Variants in CRYBG1 observed in about 807,000 individuals in gnomAD.
The protein encoded by CRYBG1 is crystallin beta-gamma domain containing 1.
CRYBG1 carries 139 observed loss-of-function variants against 189.2 expected under a neutral mutation model. The ratio of observed to expected loss-of-function variants is 0.73; its 90% CI spans 0.64 to 0.85. The LOEUF is 0.85. CRYBG1 is among the 40% of genes least tolerant of loss of function. CRYBG1 has a pLI of 0.00. For synonymous variants in CRYBG1, 1,023 were observed against 1,017.1 expected (o/e 1.01, Z -0.11); for missense variants, 2,611 against 2,675.8 (o/e 0.98, Z 0.53).
At chr6:106,534,605 A>C (rs1582823653) in intron 8 of CRYBG1, among the ~76,000 whole-genome samples, 1 of 152,060 alleles carries the variant, frequency 6.6e-6, no homozygotes, top group East Asian at 1.9e-4. Context: ...GGGCCCATTC[A>C]CTCTAGATTA....
At chr6:106,507,046 A>T (rs984213817) in intron 2 of CRYBG1, among the ~76,000 whole-genome samples, 1 of 152,222 alleles carries the variant, frequency 6.6e-6, no homozygotes, top group South Asian at 2.1e-4. Flanking sequence ...AATAGTAGGA[A>T]TATATAGTAG....
chr6:106,519,846 G>A lies in CRYBG1; in HGVS notation c.2638G>A (p.Ala880Thr), dbSNP rs545314721. 1.2e-5 allele frequency: 20 copies of A among 1,614,042 alleles called. No individual in the cohort carries two copies. The highest frequency in any genetic ancestry group is 5.3e-5 in the African/African-American group (4 of 74,914). ...GCCTTCTCTTTCACTGTCTGCACCC[G>A]CTCCTGGGGATGTTCCCAAAGACAC... ...PGPSLSLSAP[A>T]PGDVPKDTCV... The change falls in exon 4 of 22, where the codon GCT becomes ACT. Residue 880 changes from alanine to threonine, a missense_variant. Coordinates refer to ENST00000633556, the MANE Select transcript of CRYBG1 (RefSeq NM_001371242.2).
chr6:106,421,912 A>T (rs1055672209), intron 1 of CRYBG1, among the ~76,000 whole-genome samples: 3 of 151,864 alleles, frequency 2.0e-5, no homozygotes, highest in African/African-American at 7.3e-5. Flanking sequence ...GTGCAAGGAA[A>T]CTCCCATTTT....
At chr6:106,406,139 T>C (rs1770818185) in intron 1 of CRYBG1, among the ~76,000 whole-genome samples, 1 of 152,046 alleles carries the variant, frequency 6.6e-6, no homozygotes, top group South Asian at 2.1e-4. Flanking sequence ...GAAAAAAGGT[T>C]AGAGGAATTG....
intron 1 of CRYBG1, among the ~76,000 whole-genome samples, chr6:106,424,187 A>G (rs536304920): frequency 4.6e-5 from 7 of 152,284 alleles, no homozygotes; most frequent in African/African-American, 1.4e-4. Flanking sequence ...TCATATCCAA[A>G]CTACGTTTCT....
At chr6:106,431,526 A>G (rs1771326545) in intron 1 of CRYBG1, among the ~76,000 whole-genome samples, 1 of 152,226 alleles carries the variant, frequency 6.6e-6, no homozygotes. Context: ...AGATGAGATT[A>G]TAAACCTAGA....
chr6:106,482,579 T>A (rs565206980), intron 2 of CRYBG1, among the ~76,000 whole-genome samples: 1 of 151,954 alleles, frequency 6.6e-6, no homozygotes, highest in Non-Finnish European at 1.5e-5. Flanking sequence ...ATCGAGACCA[T>A]CCTGGCTAAC....
chr6:106,568,235 C>T (rs1291301113), intron 21 of CRYBG1, among the ~76,000 whole-genome samples: 1 of 152,200 alleles, frequency 6.6e-6, no homozygotes, highest in African/African-American at 2.4e-5. Context: ...GGTGGGATGT[C>T]CTGTGTGAAG....
At chr6:106,546,111 G>A (rs1480519547) in intron 13 of CRYBG1, among the ~76,000 whole-genome samples, 8 of 152,198 alleles carry the variant, frequency 5.3e-5, no homozygotes, top group Non-Finnish European at 8.8e-5. Context: ...CCATGTCTGG[G>A]CTACGTGTCC....
At chr6:106,424,511 G>T (rs1252775780) in intron 1 of CRYBG1, among the ~76,000 whole-genome samples, 4 of 151,992 alleles carry the variant, frequency 2.6e-5, no homozygotes, top group Non-Finnish European at 5.9e-5. Flanking sequence ...ACCCAGGCTG[G>T]AGTGAAATGG....
At chr6:106,508,917 CAAA>C (rs67365041) in intron 2 of CRYBG1, among the ~76,000 whole-genome samples, 87,233 of 143,140 alleles carry the variant, frequency 0.61, 27,229 homozygotes, top group Non-Finnish European at 0.71. Flanking sequence ...ATCTAATAGC[CAAA>C]AAAAAAAAAA....
At chr6:106,557,135 A>C (rs138757927) in intron 17 of CRYBG1, among the ~76,000 whole-genome samples, 196 of 152,348 alleles carry the variant, frequency 1.3e-3, no homozygotes, top group African/African-American at 4.6e-3. Flanking sequence ...AAGTGTTTAG[A>C]ACATTTTTGG....
intron 2 of CRYBG1, among the ~76,000 whole-genome samples, chr6:106,482,012 T>G (rs2114481039): frequency 8.4e-6 from 1 of 119,194 alleles, no homozygotes; most frequent in East Asian, 3.0e-4. Flanking sequence ...GGTATTTATG[T>G]GCGTGATACA....
At chr6:106,362,944 G>A (rs892546929) in intron 1 of CRYBG1, among the ~76,000 whole-genome samples, 2 of 152,020 alleles carry the variant, frequency 1.3e-5, no homozygotes. Flanking sequence ...ATACATTTTA[G>A]TATAAAATTT....
intron 1 of CRYBG1, among the ~76,000 whole-genome samples, chr6:106,426,164 C>T (rs553015259): frequency 3.1e-4 from 47 of 152,262 alleles, no homozygotes; most frequent in Non-Finnish European, 6.2e-4. Context: ...AATTTGTACC[C>T]GTGTCCTCAA....
chr6:106,418,964 A>T (rs1280730707), intron 1 of CRYBG1, among the ~76,000 whole-genome samples: 1 of 152,242 alleles, frequency 6.6e-6, no homozygotes, highest in Non-Finnish European at 1.5e-5. Flanking sequence ...TGGACCAGGC[A>T]TGATGTTCAC....
At position 106,520,707 on chromosome 6, in the gene CRYBG1, A is replaced by T; in HGVS notation, c.3499A>T (p.Ser1167Cys). 5.6e-6 allele frequency: 9 copies of T among 1,614,198 alleles called. No individual in the cohort carries two copies. The highest frequency in any genetic ancestry group is 1.6e-4 in the Middle Eastern group (1 of 6,062). The change falls in exon 4 of 22, where the codon AGT (serine) becomes TGT (cysteine). Residue 1167 changes from serine (S) to cysteine (C), a missense_variant. By Grantham distance (112) the Ser-to-Cys change is moderately radical. This residue lies in a region of CRYBG1 where 1,622 missense variants were observed against 1,735.0 expected (regional missense o/e 0.93). Coordinates refer to ENST00000633556, the MANE Select transcript of CRYBG1 (RefSeq NM_001371242.2). The part of the protein sequence containing the change: ...FTFGLGKKKE[S>C]QPEMSPALHL... Reference sequence around the variant, plus strand: ...CTTTGGTTTGGGGAAGAAGAAGGAAAGTCAGCCAGAAATGTCACCGGCTTT... The same window carrying T: ...CTTTGGTTTGGGGAAGAAGAAGGAATGTCAGCCAGAAATGTCACCGGCTTT...
chr6:106,519,317 T>TGTC lies in CRYBG1; in HGVS notation c.2109_2110insGTC (p.Asn703_Thr704insVal). The TGTC allele has an allele frequency of 6.2e-7, 1 of 1,614,068 alleles. No individual in the cohort carries two copies. The highest frequency in any genetic ancestry group is 1.3e-5 in the African/African-American group (1 of 75,000). ...ACACTGACATTCGAGGCCAAAGGAA[T>TGTC]ACTCCTGCCTCTAGTAAAACGTTTG... On this transcript the variant is annotated inframe_insertion, in exon 4 of 22. Transcript: ENST00000633556.
At chr6:106,444,378 G>A (rs1227969260) in intron 1 of CRYBG1, among the ~76,000 whole-genome samples, 2 of 152,134 alleles carry the variant, frequency 1.3e-5, no homozygotes, top group East Asian at 1.9e-4. Flanking sequence ...GCAATCACGC[G>A]TGAAACACAA....
Sources: gnomAD v4.1 joint callset for allele counts (sites outside exome capture counted in the v4.1 genomes callset) on GRCh38, gnomAD v4.1.1 for gene constraint, gnomAD v4.1.1 regional missense constraint, MANE v1.5 for transcripts, NCBI Gene and HGNC (gene_info 2026-07-23, HGNC 2026-07-21) for gene names.